Variants in GLDN observed in about 807,000 individuals in gnomAD.
GLDN encodes gliomedin, also known as collomin.
In GLDN, 47 loss-of-function variants were observed where a neutral mutation model predicts 56.5. The ratio of observed to expected loss-of-function variants is 0.83; its 90% CI spans 0.66 to 1.06. The LOEUF is 1.06. Among genes scored for constraint, GLDN ranks in the 50% least tolerant of loss-of-function variants. The pLI is 0.00. For synonymous variants in GLDN, 332 were observed against 278.8 expected (o/e 1.19, Z -1.90); for missense variants, 782 against 714.3 (o/e 1.09, Z -1.08).
chr15:51,386,237 C>T (rs142753368), intron 4 of GLDN, among the ~76,000 whole-genome samples: 30 of 152,248 alleles, frequency 2.0e-4, no homozygotes, highest in Middle Eastern at 3.4e-3. Flanking sequence ...GTTGAGTCCC[C>T]GAGGCCCCCA....
At chr15:51,371,640 T>C (rs2037518531) in intron 1 of GLDN, among the ~76,000 whole-genome samples, 2 of 152,236 alleles carry the variant, frequency 1.3e-5, no homozygotes, top group East Asian at 1.9e-4. Context: ...TAGTCCACTT[T>C]CTGTTTATTA....
intron 5 of GLDN, among the ~76,000 whole-genome samples, chr15:51,396,552 A>T (rs1409500461): frequency 6.6e-6 from 1 of 152,254 alleles, no homozygotes; most frequent in Non-Finnish European, 1.5e-5. Flanking sequence ...GAGATCACCT[A>T]TATGATAAAA....
intron 4 of GLDN, among the ~76,000 whole-genome samples, chr15:51,389,193 G>A (rs1027299370): frequency 2.0e-5 from 3 of 152,180 alleles, no homozygotes; most frequent in African/African-American, 7.2e-5. Flanking sequence ...ATGGTTTCTG[G>A]TTTTAAATAC....
chr15:51,391,916 A>G (rs913244325), intron 4 of GLDN, among the ~76,000 whole-genome samples: 2 of 151,948 alleles, frequency 1.3e-5, no homozygotes, highest in African/African-American at 4.8e-5. Context: ...CTGATTCCCA[A>G]CTGTAGCTGA....
At position 51,341,670 on chromosome 15, in the gene GLDN, C is replaced by G. The variant is rs775161198; in HGVS notation, c.-15C>G. On this transcript the variant is annotated 5_prime_UTR_variant, in exon 1 of 10. Coordinates refer to ENST00000335449, the MANE Select transcript of GLDN (RefSeq NM_181789.4). ...GCAGGCTGCCAAGCCCTGCCCTGCC[C>G]AAGGCGCATAGAGCATGGCCCGAGG... 117 of 1,389,438 alleles carry G rather than the reference C, an allele frequency of 8.4e-5. No homozygotes were observed. Among genetic ancestry groups the G allele is most frequent in the Non-Finnish European group, 1.1e-4 (114 of 1,083,684 alleles). 86.1% of individuals were successfully genotyped at this position (1,389,438 alleles called of 1,614,324 possible).
chr15:51,365,902 T>TA (rs2037390861), intron 1 of GLDN, among the ~76,000 whole-genome samples: 1 of 152,218 alleles, frequency 6.6e-6, no homozygotes, highest in Admixed American at 6.5e-5. Context: ...GCTATCCTGT[T>TA]ACATTTGTAT....
chr15:51,366,364 T>A (rs1333274030), intron 1 of GLDN, among the ~76,000 whole-genome samples: 1 of 152,222 alleles, frequency 6.6e-6, no homozygotes, highest in Non-Finnish European at 1.5e-5. Context: ...GAGTGGCGGT[T>A]GCTTGAACTG....
chr15:51,383,699 C>A, intron 3 of GLDN, 86 bp from the exon 4 acceptor site: 1 of 1,098,040 alleles, frequency 9.1e-7, no homozygotes, highest in Non-Finnish European at 1.3e-6. Flanking sequence ...TGCTCAGTTT[C>A]ACTGGTAAAG....
chr15:51,411,703 T>C (rs554972438), downstream of GLDN, among the ~76,000 whole-genome samples: 4 of 152,248 alleles, frequency 2.6e-5, no homozygotes, highest in African/African-American at 9.6e-5. Flanking sequence ...CACAAAATTC[T>C]GTTTATTTGA....
At position 51,407,177 on chromosome 15, in the gene GLDN, A is replaced by G. The variant is rs138088986; in HGVS notation, c.*2423A>G. 2 of 150,986 alleles carry G rather than the reference A, an allele frequency of 1.3e-5. No individual in the cohort carries two copies. The highest frequency in any genetic ancestry group is 4.9e-5 in the African/African-American group (2 of 41,030). 9.4% of individuals were successfully genotyped at this position (150,986 alleles called of 1,614,324 possible). A position where few individuals can be genotyped will look rare whatever the true frequency, so the allele number is the denominator to read the frequency against. Reference sequence around the variant, plus strand: ...TTTTCTTTTTTCTTTTTTTTTTGCTATGACAGAGTAATGCTAACGTAAGGA... The same window carrying G: ...TTTTCTTTTTTCTTTTTTTTTTGCTGTGACAGAGTAATGCTAACGTAAGGA... On this transcript the variant is annotated 3_prime_UTR_variant, in exon 10 of 10. Transcript: ENST00000335449.
chr15:51,393,344 C>G (rs1566949405), intron 4 of GLDN, among the ~76,000 whole-genome samples: 1 of 152,170 alleles, frequency 6.6e-6, no homozygotes, highest in South Asian at 2.1e-4. Flanking sequence ...CCACCGCAGC[C>G]TTTAACCTGG....
rs771521301 is a variant in GLDN at position 51,404,402 on chromosome 15, G to C, written c.1304G>C (p.Trp435Ser). ...CTAGCTGTAGATGAAAAGGGCCTTT[G>C]GATTATCTATGCGTCAAGTGTGGAC... Reference protein sequence around the residue: ...FNLAVDEKGLWIIYASSVDGS... With the variant: ...FNLAVDEKGLSIIYASSVDGS... Residue 435 changes from tryptophan to serine, a missense_variant, in exon 10 of 10, where the codon TGG becomes TCG. By Grantham distance (177) the Trp-to-Ser change is radical. Coordinates refer to ENST00000335449, the MANE Select transcript of GLDN (RefSeq NM_181789.4). The C allele has an allele frequency of 6.2e-7, 1 of 1,614,130 alleles. No homozygotes were observed.
At chr15:51,412,619 A>G (rs2038478789), downstream of GLDN, among the ~76,000 whole-genome samples, 1 of 152,160 alleles carries the variant, frequency 6.6e-6, no homozygotes, top group South Asian at 2.1e-4. Context: ...TTTCCTTCCT[A>G]CTATTAATCT....
At chr15:51,377,673 A>G (rs1019997957) in intron 2 of GLDN, among the ~76,000 whole-genome samples, 173 bp downstream of exon 2, 2 of 152,206 alleles carry the variant, frequency 1.3e-5, no homozygotes, top group Non-Finnish European at 2.9e-5. Context: ...GAAAAATAAT[A>G]TTTTCAGTAT....
intron 5 of GLDN, 37 bp downstream of exon 5, chr15:51,395,018 G>A: frequency 1.3e-6 from 2 of 1,519,990 alleles, no homozygotes; most frequent in Non-Finnish European, 1.8e-6. Context: ...TTGAGGGCTT[G>A]TGCGCCCAGA....
Position 51,341,862 on chromosome 15 carries a change from C to T in GLDN, c.178C>T (p.Arg60Cys), listed in dbSNP as rs765286496. Residue 60 changes from arginine (R) to cysteine (C), a missense_variant, in exon 1 of 10, where the codon CGC becomes TGC. Transcript: ENST00000335449. ...GGAGGCGCAGCGGGGCCGGGAGCAG[C>T]GCGAGGACAGTGCCCTGCGCTCCTT... The part of the protein sequence containing the change: ...ALEAQRGREQ[R>C]EDSALRSFLA... The T allele has an allele frequency of 1.3e-5, 20 of 1,545,280 alleles. No individual in the cohort carries two copies. The South Asian group carries it at 2.2e-4, about 17-fold the overall frequency.
chr15:51,346,394 A>G (rs1007354457), intron 1 of GLDN, among the ~76,000 whole-genome samples: 8 of 152,250 alleles, frequency 5.3e-5, no homozygotes, highest in African/African-American at 1.7e-4. Context: ...ATGGCAATTT[A>G]GTACATGATA....
chr15:51,394,801 C>A (rs1359482771), intron 4 of GLDN, 34 bp from the exon 5 acceptor site: 1 of 1,612,718 alleles, frequency 6.2e-7, no homozygotes, highest in Admixed American at 1.7e-5. Context: ...CTTTTTGCAC[C>A]ATAGGCTAAT....
At chr15:51,345,702 G>A (rs1355569350) in intron 1 of GLDN, among the ~76,000 whole-genome samples, 1 of 152,190 alleles carries the variant, frequency 6.6e-6, no homozygotes, top group East Asian at 1.9e-4. Flanking sequence ...TTAAGACAGG[G>A]ATGCCCACTA....
Sources: gnomAD v4.1 joint callset for allele counts (sites outside exome capture counted in the v4.1 genomes callset) on GRCh38, gnomAD v4.1.1 for gene constraint, MANE v1.5 for transcripts, NCBI Gene and HGNC (gene_info 2026-07-23, HGNC 2026-07-21) for gene names.